Variants in PRKN observed in about 807,000 individuals in gnomAD.
The protein encoded by PRKN is E3 ubiquitin-protein ligase parkin.
A neutral mutation model predicts 59.5 loss-of-function variants in PRKN; 56 were observed. The observed-to-expected ratio is 0.94, with a 90% CI of 0.76 to 1.18. The LOEUF is 1.18. Among genes scored for constraint, PRKN ranks in the 50% most tolerant of loss-of-function variants. PRKN has a pLI of 0.00. For synonymous variants in PRKN, 250 were observed against 222.1 expected, an observed-to-expected ratio of 1.13 and a Z score of -1.12; for missense variants, 657 against 596.4, an observed-to-expected ratio of 1.10 and a Z score of -1.06.
At chr6:161,589,322 G>C (rs74385424) in intron 7 of PRKN, among the ~76,000 whole-genome samples, 5,174 of 152,150 alleles carry the variant, frequency 0.034, 243 homozygotes, top group African/African-American at 0.11. Flanking sequence ...CCTTTCTCCC[G>C]TAAAGCCCTC....
At chr6:162,054,728 C>T (rs931745369) in intron 4 of PRKN, among the ~76,000 whole-genome samples, 3 of 152,148 alleles carry the variant, frequency 2.0e-5, no homozygotes, top group African/African-American at 7.2e-5. Flanking sequence ...AATAAAAATT[C>T]AATAAAAGCA....
Position 161,444,111 on chromosome 6 carries a change from T to G in PRKN, c.1084-57234A>C, listed in dbSNP as rs545419763. On this transcript the variant is annotated intron_variant, in intron 9 of 11. Coordinates refer to ENST00000366898, the MANE Select transcript of PRKN (RefSeq NM_004562.3). The surrounding 1 kb of genome is among the most constrained non-coding windows in gnomAD (Gnocchi z 5.6). The stretch of plus-strand genomic sequence containing the variant: ...GGTGAGCTCTGGAGCTTCTGGCTCC[T>G]GGACTGGGGGACTGGGAATCGGCCA... Among the ~76,000 whole-genome samples the G allele has an allele frequency of 6.6e-6, 1 of 152,300 alleles. No homozygotes were observed. The highest frequency in any genetic ancestry group is 6.5e-5 in the Admixed American group (1 of 15,294).
At chr6:162,645,868 CTTTTT>C (rs751656108) in intron 1 of PRKN, among the ~76,000 whole-genome samples, 4 of 121,134 alleles carry the variant, frequency 3.3e-5, no homozygotes, top group Non-Finnish European at 6.9e-5. Context: ...TAAACTTTCT[CTTTTT>C]TTTTTTTTTT....
intron 5 of PRKN, among the ~76,000 whole-genome samples, chr6:162,044,183 C>T (rs1241710029): frequency 3.3e-5 from 5 of 152,220 alleles, no homozygotes; most frequent in African/African-American, 1.2e-4. Context: ...TATGCCATCA[C>T]TCCACCACAA....
chr6:162,065,102 T>C (rs1411947940), intron 4 of PRKN, among the ~76,000 whole-genome samples: 2 of 152,186 alleles, frequency 1.3e-5, no homozygotes, highest in Admixed American at 6.5e-5. Flanking sequence ...TTAGGGAGAA[T>C]TGGCTCACAT....
chr6:162,108,325 T>C (rs1012268734), intron 4 of PRKN, among the ~76,000 whole-genome samples: 6 of 152,334 alleles, frequency 3.9e-5, no homozygotes, highest in African/African-American at 1.4e-4. Flanking sequence ...CTTCTTTCTG[T>C]GACCCAGCCT....
At chr6:162,207,421 C>A (rs1784995241) in intron 3 of PRKN, among the ~76,000 whole-genome samples, 1 of 152,078 alleles carries the variant, frequency 6.6e-6, no homozygotes, top group Non-Finnish European at 1.5e-5. Flanking sequence ...CACCATTATG[C>A]AGGTTACTGG....
At chr6:161,871,854 G>C (rs961377122) in intron 6 of PRKN, among the ~76,000 whole-genome samples, 1 of 152,078 alleles carries the variant, frequency 6.6e-6, no homozygotes, top group African/African-American at 2.4e-5. Flanking sequence ...GTGTATATTT[G>C]CATATGGGAC....
chr6:162,713,493 C>CAA (rs373942233), intron 1 of PRKN, among the ~76,000 whole-genome samples: 27,788 of 80,432 alleles, frequency 0.35, 4,736 homozygotes, highest in Non-Finnish European at 0.39. Context: ...GACTCCACCT[C>CAA]AAAAAAAAAA....
At chr6:162,108,064 A>G (rs1341020380) in intron 4 of PRKN, among the ~76,000 whole-genome samples, 3 of 152,210 alleles carry the variant, frequency 2.0e-5, no homozygotes, top group Non-Finnish European at 4.4e-5. Flanking sequence ...TCAAGAAAGG[A>G]TATGTCAAAT....
chr6:161,939,451 G>A (rs1232971843), intron 6 of PRKN, among the ~76,000 whole-genome samples: 2 of 140,294 alleles, frequency 1.4e-5, no homozygotes, highest in African/African-American at 2.7e-5. Flanking sequence ...AAATACCGTC[G>A]TCGGGCATGG....
rs977152868 is a variant in PRKN at position 161,380,426 on chromosome 6, CT to C, written c.1167+6367del. Among the ~76,000 whole-genome samples, 991 of 117,952 alleles carry C rather than the reference CT, an allele frequency of 8.4e-3. 2 individuals are homozygous for C. Among genetic ancestry groups the C allele is most frequent in the African/African-American group, 0.026 (826 of 31,884 alleles). The allele number at this position is 117,952 out of a possible 152,430, so 77.4% of individuals were successfully genotyped here. ...GGCCAAGTCCAAAGTCCAAGTCTAT[CT>C]TTTTTTTTTTTTTTTTTTTTTGGAG... is the stretch of plus-strand genomic sequence containing the variant. On this transcript the variant is annotated intron_variant, in intron 10 of 11. Transcript: ENST00000366898.
chr6:162,278,148 A>G (rs1389174263), intron 2 of PRKN, among the ~76,000 whole-genome samples: 1 of 152,208 alleles, frequency 6.6e-6, no homozygotes. Context: ...GCATATTACC[A>G]AGTGAAAGAA....
chr6:162,703,359 A>G (rs1778225883), intron 1 of PRKN, among the ~76,000 whole-genome samples: 1 of 152,222 alleles, frequency 6.6e-6, no homozygotes, highest in African/African-American at 2.4e-5. Context: ...ATATTTATAT[A>G]CATTCTCTTT....
chr6:162,291,683 C>T (rs186446493), intron 2 of PRKN, among the ~76,000 whole-genome samples: 181 of 152,212 alleles, frequency 1.2e-3, no homozygotes, highest in African/African-American at 4.2e-3. Flanking sequence ...AGATGAAAGC[C>T]CTGGCTTTAA....
intron 4 of PRKN, among the ~76,000 whole-genome samples, chr6:162,199,424 CT>C (rs1373380167): frequency 6.6e-6 from 1 of 152,142 alleles, no homozygotes; most frequent in Non-Finnish European, 1.5e-5. Context: ...CAGATAATGC[CT>C]GAAAAGAATT....
chr6:161,927,161 C>G (rs1007393286), intron 6 of PRKN, among the ~76,000 whole-genome samples: 2 of 152,062 alleles, frequency 1.3e-5, no homozygotes, highest in Admixed American at 6.6e-5. Context: ...GTTTGTTAAC[C>G]AGTATTTTCC....
At chr6:162,074,581 T>A (rs888595162) in intron 4 of PRKN, among the ~76,000 whole-genome samples, 2 of 151,410 alleles carry the variant, frequency 1.3e-5, no homozygotes, top group Non-Finnish European at 2.9e-5. Context: ...TATACGTATG[T>A]AACTAACCTG....
Position 161,612,448 on chromosome 6 carries a change from C to T in PRKN, c.872-43032G>A, listed in dbSNP as rs866435845. Among the ~76,000 whole-genome samples, 14 of 151,994 alleles carry T rather than the reference C, an allele frequency of 9.2e-5. No homozygotes were observed. In the South Asian group the frequency reaches 1.2e-3, roughly 14 times the overall value. On this transcript the variant is annotated intron_variant, in intron 7 of 11. Transcript: ENST00000366898. ...AGAATTATGTGATATCAGCCAGGCG[C>T]GGTGGCTCACACCCATAATTCCAGC... is the stretch of plus-strand genomic sequence containing the variant.
Sources: allele counts gnomAD v4.1 joint callset (sites outside exome capture counted in the v4.1 genomes callset), GRCh38; gene constraint gnomAD v4.1.1; non-coding constraint Gnocchi (gnomAD v3.1); transcripts MANE v1.5; gene names NCBI Gene and HGNC (gene_info 2026-07-23, HGNC 2026-07-21).